Variants in PCDH7 observed in about 807,000 individuals in gnomAD.
PCDH7 encodes protocadherin-7.
In PCDH7, 17 loss-of-function variants were observed where a neutral mutation model predicts 58.9. The observed-to-expected ratio is 0.29, with a 90% CI of 0.20 to 0.43. The LOEUF is 0.43. Ranked by LOEUF, PCDH7 falls within the 20% of genes least tolerant of loss-of-function variation. The pLI is 1.00. For missense variants in PCDH7, 1,274 were observed against 1,441.0 expected (o/e 0.88, Z 1.88); for synonymous variants, 664 against 616.4 (o/e 1.08, Z -1.14).
intron 1 of PCDH7, among the ~76,000 whole-genome samples, chr4:30,777,057 A>T (rs973430070): frequency 2.0e-5 from 3 of 152,170 alleles, no homozygotes; most frequent in Admixed American, 6.5e-5. Context: ...GTAATCACTC[A>T]TTGGAAAGGC....
intron 3 of PCDH7, among the ~76,000 whole-genome samples, chr4:30,978,567 A>C (rs938629483): frequency 6.6e-6 from 1 of 152,188 alleles, no homozygotes; most frequent in Non-Finnish European, 1.5e-5. Flanking sequence ...TAGCTACGTG[A>C]TCTCAGGCAA....
In PCDH7 at chr4:31,069,579, T is replaced by C. The variant is rs186399706; in HGVS notation, c.*8-72894T>C. 4.6e-5 allele frequency among the ~76,000 whole-genome samples: 7 copies of C among 152,180 alleles called. 1 individual carries two copies. In the South Asian group the frequency reaches 8.3e-4, roughly 18 times the overall value. ...TCCTCCAAAATGATACTTTAATGCCTAGAATTGTTTTAGAAAAATATTTAG... is the reference window on the plus strand; with the variant it reads ...TCCTCCAAAATGATACTTTAATGCCCAGAATTGTTTTAGAAAAATATTTAG... On this transcript the variant is annotated intron_variant, in intron 3 of 3. Transcript: ENST00000509759.
chr4:30,809,766 C>A lies in PCDH7; in HGVS notation c.70+85170C>A, dbSNP rs1726738630. ...ACAAGGGACACAGATTTTTCCGTTT[C>A]CTTTTTACTTTCGACGCCCTAGTAA... On this transcript the variant is annotated intron_variant, in intron 1 of 3. Transcript: ENST00000509759. Among the ~76,000 whole-genome samples, 3 of 152,088 alleles carry A rather than the reference C, an allele frequency of 2.0e-5. No individual in the cohort carries two copies. In the South Asian group the frequency reaches 6.2e-4, roughly 32 times the overall value.
intron 3 of PCDH7, among the ~76,000 whole-genome samples, chr4:31,068,922 A>G (rs1158789360): frequency 6.6e-6 from 1 of 151,996 alleles, no homozygotes; most frequent in Non-Finnish European, 1.5e-5. Context: ...TCAGGCCTAT[A>G]ATTCAGAGAA....
At chr4:30,878,788 T>G (rs552905598) in intron 1 of PCDH7, among the ~76,000 whole-genome samples, 1 of 152,166 alleles carries the variant, frequency 6.6e-6, no homozygotes, top group Admixed American at 6.5e-5. Flanking sequence ...AGGTGGAGGT[T>G]GCAGTGAGCT....
Position 30,783,942 on chromosome 4 carries a change from A to ATG in PCDH7, c.70+59362_70+59363dup, listed in dbSNP as rs138059892. Among the ~76,000 whole-genome samples, 1,406 of 150,404 alleles carry ATG rather than the reference A, an allele frequency of 9.3e-3. 25 individuals are homozygous for ATG. The highest frequency in any genetic ancestry group is 0.031 in the African/African-American group (1,273 of 41,136). Reference sequence around the variant, plus strand: ...TGGCTTCATCTGCATTTGTTTGTGTATGTGTGTGTGTGTGTGTATGTGTGA... The same window carrying ATG: ...TGGCTTCATCTGCATTTGTTTGTGTATGTGTGTGTGTGTGTGTGTATGTGTGA... On this transcript the variant is annotated intron_variant, in intron 1 of 3. Transcript: ENST00000509759.
At chr4:30,933,210 A>G (rs1186776451) in intron 2 of PCDH7, among the ~76,000 whole-genome samples, 2 of 151,986 alleles carry the variant, frequency 1.3e-5, no homozygotes, top group East Asian at 3.9e-4. Flanking sequence ...TATTTTTAGT[A>G]GAGACAGGGT....
At chr4:31,142,968 G>C (rs1047312273), downstream of PCDH7, 523 of 663,082 alleles carry the variant, frequency 7.9e-4, no homozygotes, top group East Asian at 6.1e-3. Context: ...ACAAAGCTTT[G>C]CCTGCCACTT....
At chr4:30,974,354 G>A (rs1452981409) in intron 3 of PCDH7, among the ~76,000 whole-genome samples, 1 of 150,790 alleles carries the variant, frequency 6.6e-6, no homozygotes, top group African/African-American at 2.5e-5. Context: ...TCCTCACAAA[G>A]ACAATACTTC....
intron 3 of PCDH7, among the ~76,000 whole-genome samples, chr4:31,030,986 C>T (rs10003973): frequency 0.25 from 37,861 of 151,972 alleles, 5,033 homozygotes; most frequent in South Asian, 0.36. Flanking sequence ...TGCATCATCC[C>T]AGATTTCAAC....
chr4:30,875,838 T>G (rs953626473), intron 1 of PCDH7, among the ~76,000 whole-genome samples: 2 of 152,136 alleles, frequency 1.3e-5, no homozygotes, highest in Non-Finnish European at 2.9e-5. Context: ...AAAGATTTAT[T>G]AAGAAGTCCT....
At chr4:30,881,343 C>T (rs1736944542) in intron 1 of PCDH7, among the ~76,000 whole-genome samples, 1 of 151,938 alleles carries the variant, frequency 6.6e-6, no homozygotes, top group South Asian at 2.1e-4. Flanking sequence ...AAGACTCCAT[C>T]TCAAAACAAA....
exon 2 of PCDH7, chr4:30,732,247 G>A (rs1715611824): frequency 6.6e-6 from 1 of 152,056 alleles, no homozygotes; most frequent in Non-Finnish European, 1.5e-5. Flanking sequence ...TGAACACAAG[G>A]ACTAGTGTAA....
intron 1 of PCDH7, among the ~76,000 whole-genome samples, chr4:30,909,123 T>C (rs187088819): frequency 1.6e-3 from 240 of 152,206 alleles, no homozygotes; most frequent in Admixed American, 2.7e-3. Flanking sequence ...TTAGATAAAA[T>C]TCAACACCCC....
intron 2 of PCDH7, 131 bp downstream of exon 2, chr4:30,920,500 T>G: frequency 4.0e-6 from 2 of 493,950 alleles, no homozygotes; most frequent in Non-Finnish European, 6.6e-6. Context: ...TGATAAATAT[T>G]TGCTAAAATA....
intron 3 of PCDH7, among the ~76,000 whole-genome samples, chr4:30,975,419 C>T (rs1185471218): frequency 6.6e-6 from 1 of 151,976 alleles, no homozygotes; most frequent in South Asian, 2.1e-4. Context: ...TTCCTTCACA[C>T]GAGCAAAATC....
chr4:30,851,019 C>G (rs1194575011), intron 1 of PCDH7, among the ~76,000 whole-genome samples: 1 of 151,992 alleles, frequency 6.6e-6, no homozygotes, highest in African/African-American at 2.4e-5. Context: ...CGATTGTTCT[C>G]TGGAAATTCT....
intron 1 of PCDH7, among the ~76,000 whole-genome samples, chr4:30,748,622 T>G (rs1410395267): frequency 1.3e-5 from 2 of 152,200 alleles, no homozygotes; most frequent in East Asian, 1.9e-4. Context: ...AAGGCCCTAC[T>G]ACCTAATACT....
At chr4:30,786,543 T>C (rs1474623861) in intron 1 of PCDH7, among the ~76,000 whole-genome samples, 1 of 151,974 alleles carries the variant, frequency 6.6e-6, no homozygotes, top group Non-Finnish European at 1.5e-5. Flanking sequence ...CTCAGGGTTG[T>C]TAATTGTAGT....
Sources: gnomAD v4.1 joint callset for allele counts (sites outside exome capture counted in the v4.1 genomes callset) on GRCh38, gnomAD v4.1.1 for gene constraint, MANE v1.5 for transcripts, NCBI Gene and HGNC (gene_info 2026-07-23, HGNC 2026-07-21) for gene names.